The following GTPBP10 variants were observed in gnomAD, a reference collection of about 807,000 sequenced individuals.
GTPBP10 encodes GTP binding protein 10, also known as GTP-binding protein 10.
A neutral mutation model predicts 44.8 loss-of-function variants in GTPBP10; 38 were observed. That is an observed-to-expected ratio of 0.85 (90% CI 0.65 to 1.11). GTPBP10 has a LOEUF of 1.11. Among genes scored for constraint, GTPBP10 ranks in the 50% most tolerant of loss-of-function variants. GTPBP10 has a pLI of 0.00. For missense variants in GTPBP10, 462 were observed against 453.7 expected (o/e 1.02, Z -0.17); for synonymous variants, 152 against 150.6 (o/e 1.01, Z -0.07).
At chr7:90,363,434 C>A (rs1342466388) in intron 4 of GTPBP10, among the ~76,000 whole-genome samples, 1 of 152,134 alleles carries the variant, frequency 6.6e-6, no homozygotes, top group Non-Finnish European at 1.5e-5. Flanking sequence ...GTTGAAAATT[C>A]TTTTCTTTAA....
rs765677380 is a variant in GTPBP10, at chr7:90,372,219, G to C, written c.529G>C (p.Asp177His). 4.4e-6 allele frequency: 7 copies of C among 1,595,496 alleles called. No individual in the cohort carries two copies. Among genetic ancestry groups the C allele is most frequent in the Non-Finnish European group, 6.0e-6 (7 of 1,166,504 alleles). The change falls in exon 5 of 10, where the codon GAT becomes CAT. Residue 177 changes from aspartate to histidine, a missense_variant. Transcript: ENST00000222511. ...CVSHAKPAIADYAFTTLKPEL... is the reference protein window; with the variant it reads ...CVSHAKPAIAHYAFTTLKPEL... ...TTCTCATGCAAAACCTGCAATTGCAGATTACGCATGTAAGTGTAATTTGAT... is the reference window on the plus strand; with the variant it reads ...TTCTCATGCAAAACCTGCAATTGCACATTACGCATGTAAGTGTAATTTGAT...
At chr7:90,366,793 C>T (rs538925363) in intron 4 of GTPBP10, among the ~76,000 whole-genome samples, 1 of 149,606 alleles carries the variant, frequency 6.7e-6, no homozygotes, top group East Asian at 1.9e-4. Flanking sequence ...TCTGTCATTT[C>T]TGCTCTGATC....
intron 4 of GTPBP10, among the ~76,000 whole-genome samples, chr7:90,370,110 T>A (rs1416493750): frequency 1.3e-5 from 2 of 151,786 alleles, no homozygotes; most frequent in Non-Finnish European, 2.9e-5. Flanking sequence ...TGAGTGAGAA[T>A]GCAAATTAGT....
At position 90,353,001 on chromosome 7, in the gene GTPBP10, A is replaced by G. The variant is rs1355977615; in HGVS notation, c.219A>G (p.Ala73=). 2 of 1,583,900 alleles carry G rather than the reference A, an allele frequency of 1.3e-6. No individual in the cohort carries two copies. Among genetic ancestry groups the G allele is most frequent in the Non-Finnish European group, 1.7e-6 (2 of 1,162,530 alleles). Residue 73 remains alanine (A), a synonymous_variant, in exon 2 of 10, where the codon GCA becomes GCG. Coordinates refer to ENST00000222511, the MANE Select transcript of GTPBP10 (RefSeq NM_033107.4). The part of the protein sequence containing the change: ...PRKRFVAGVG[A]NSKISALKGS... The stretch of plus-strand genomic sequence containing the variant: ...AACGGTTTGTGGCTGGAGTAGGAGC[A>G]AACAGCAAGTAAGTAATTACTGAAT...
chr7:90,346,877 T>G, intron 1 of GTPBP10, 103 bp downstream of exon 1: 1 of 1,327,786 alleles, frequency 7.5e-7, no homozygotes, highest in Non-Finnish European at 1.1e-6. Flanking sequence ...GCCTTTTCCT[T>G]GCTTGGTTTT....
chr7:90,384,087 A>C (rs965928550), intron 9 of GTPBP10, among the ~76,000 whole-genome samples: 1 of 152,228 alleles, frequency 6.6e-6, no homozygotes, highest in Non-Finnish European at 1.5e-5. Context: ...GGAAATACCG[A>C]AAGTGAGGGT....
At chr7:90,348,025 A>C (rs1795714942) in intron 1 of GTPBP10, among the ~76,000 whole-genome samples, 1 of 152,096 alleles carries the variant, frequency 6.6e-6, no homozygotes, top group Non-Finnish European at 1.5e-5. Flanking sequence ...CCAGGAGTTC[A>C]AGACCAGTCT....
intron 4 of GTPBP10, among the ~76,000 whole-genome samples, chr7:90,369,860 G>A (rs1796223661): frequency 6.6e-6 from 1 of 152,134 alleles, no homozygotes; most frequent in African/African-American, 2.4e-5. Flanking sequence ...GATGAACCAG[G>A]TACCTCAGTT....
intron 4 of GTPBP10, among the ~76,000 whole-genome samples, chr7:90,358,126 G>T (rs1423660626): frequency 6.6e-6 from 1 of 152,040 alleles, no homozygotes; most frequent in Non-Finnish European, 1.5e-5. Flanking sequence ...CAATAGCACT[G>T]CTATACACCA....
chr7:90,367,666 G>T (rs1348918431), intron 4 of GTPBP10, among the ~76,000 whole-genome samples: 1 of 151,854 alleles, frequency 6.6e-6, no homozygotes, highest in Admixed American at 6.6e-5. Context: ...TTTTGAGCCT[G>T]TGTGTGTCTT....
chr7:90,363,860 C>A (rs1796076756), intron 4 of GTPBP10, among the ~76,000 whole-genome samples: 1 of 115,692 alleles, frequency 8.6e-6, no homozygotes, highest in Non-Finnish European at 2.0e-5. Context: ...CTCTAAAATT[C>A]TCTTCTTGCT....
intron 1 of GTPBP10, among the ~76,000 whole-genome samples, chr7:90,350,879 T>G (rs1795777912): frequency 2.0e-5 from 3 of 152,218 alleles, no homozygotes; most frequent in South Asian, 2.1e-4. Flanking sequence ...GTCATGACTT[T>G]ACTTCTTGGG....
chr7:90,366,335 T>C lies in GTPBP10; in HGVS notation c.465-5820T>C, dbSNP rs560725688. ...TTCCCTCTTTTTCTATTGAATGGAA[T>C]TGTTTCAGAAGGAATGGTACCAGCT... On this transcript the variant is annotated intron_variant, in intron 4 of 9. Transcript: ENST00000222511. Among the ~76,000 whole-genome samples the C allele has an allele frequency of 7.2e-5, 11 of 152,306 alleles. No individual in the cohort carries two copies. In the South Asian group the frequency reaches 2.3e-3, roughly 32 times the overall value.
intron 4 of GTPBP10, among the ~76,000 whole-genome samples, chr7:90,361,178 G>C (rs1307118549): frequency 6.6e-6 from 1 of 152,152 alleles, no homozygotes; most frequent in Non-Finnish European, 1.5e-5. Flanking sequence ...ATGTTGAATA[G>C]AAGTGGCGAG....
chr7:90,390,118 G>T lies in GTPBP10; in HGVS notation c.*4964G>T, dbSNP rs1163802408. Reference sequence around the variant, plus strand: ...GTTTTCTTTTTTCTAATTGAAGCTTGGCAAGCAGAGGGAAATGTATTAGGG... The same window carrying T: ...GTTTTCTTTTTTCTAATTGAAGCTTTGCAAGCAGAGGGAAATGTATTAGGG... On this transcript the variant is annotated 3_prime_UTR_variant, in exon 10 of 10. Coordinates refer to ENST00000222511, the MANE Select transcript of GTPBP10 (RefSeq NM_033107.4). 1 of 152,118 alleles carries T rather than the reference G, an allele frequency of 6.6e-6. No individual in the cohort carries two copies. The highest frequency in any genetic ancestry group is 1.5e-5 in the Non-Finnish European group (1 of 68,040). 9.4% of individuals were successfully genotyped at this position (152,118 alleles called of 1,614,324 possible).
Position 90,389,416 on chromosome 7 carries a change from C to T in GTPBP10, c.*4262C>T, listed in dbSNP as rs1200983660. 2.0e-5 allele frequency: 3 copies of T among 151,350 alleles called. No homozygotes were observed. The highest frequency in any genetic ancestry group is 2.0e-4 in the Admixed American group (3 of 15,188). The allele number at this position is 151,350 out of a possible 1,614,324, so 9.4% of individuals were successfully genotyped here. A position where few individuals can be genotyped will look rare whatever the true frequency, so the allele number is the denominator to read the frequency against. ...TTTTTTTTCCCCCCCCAGACGGAGT[C>T]TCGCTCTCTTGCCAGGCTGGAGTGC... is the stretch of plus-strand genomic sequence containing the variant. On this transcript the variant is annotated 3_prime_UTR_variant, in exon 10 of 10. Coordinates refer to ENST00000222511, the MANE Select transcript of GTPBP10 (RefSeq NM_033107.4).
intron 4 of GTPBP10, among the ~76,000 whole-genome samples, chr7:90,368,810 T>C (rs1484707031): frequency 6.6e-6 from 1 of 152,260 alleles, no homozygotes; most frequent in African/African-American, 2.4e-5. Flanking sequence ...GTCAAACTCA[T>C]TCTCCATCCA....
rs1462598089 is a variant in GTPBP10, at chr7:90,377,488, C to T, written c.592-19C>T. 2.6e-6 allele frequency: 4 copies of T among 1,526,618 alleles called. No homozygotes were observed. Among genetic ancestry groups the T allele is most frequent in the Non-Finnish European group, 3.6e-6 (4 of 1,117,314 alleles). 94.6% of individuals were successfully genotyped at this position (1,526,618 alleles called of 1,614,324 possible). ...TTCATACATTTTCCTTTTTCATTAA[C>T]CATTTAACTTTGTATTAGATATCAG... On this transcript the variant is annotated intron_variant, in intron 6 of 9. Coordinates refer to ENST00000222511, the MANE Select transcript of GTPBP10 (RefSeq NM_033107.4).
chr7:90,352,728 A>G (rs1475611837), intron 1 of GTPBP10, 88 bp from the exon 2 acceptor site: 36 of 1,027,716 alleles, frequency 3.5e-5, no homozygotes, highest in Non-Finnish European at 4.3e-5. Context: ...CTTTTTTAGA[A>G]GAAGTTTTAG....
Sources: gnomAD v4.1 joint callset for allele counts (sites outside exome capture counted in the v4.1 genomes callset) on GRCh38, gnomAD v4.1.1 for gene constraint, MANE v1.5 for transcripts, NCBI Gene and HGNC (gene_info 2026-07-23, HGNC 2026-07-21) for gene names.